ABI3BP: variants seen among roughly 807,000 people sequenced by gnomAD.
ABI3BP encodes the protein ABI family member 3 binding protein.
ABI3BP carries 216 observed loss-of-function variants against 268.6 expected under a neutral mutation model. That is an observed-to-expected ratio of 0.80 (90% confidence interval 0.72 to 0.90). The LOEUF (loss-of-function observed/expected upper bound fraction) is 0.90, where lower values mean the gene tolerates loss of function less well. Among genes scored for constraint, ABI3BP ranks in the 40% least tolerant of loss-of-function variants. The pLI, the probability that ABI3BP is intolerant of heterozygous loss-of-function variation, is 0.00. For missense variants in ABI3BP, 2,090 were observed against 2,182.4 expected, an observed-to-expected ratio of 0.96 and a Z score of 0.84; for synonymous variants, 730 against 730.0, an observed-to-expected ratio of 1.00 and a Z score of 0.00.
intron 4 of ABI3BP, among the ~76,000 whole-genome samples, chr3:100,895,004 T>TGC (rs1055527354): frequency 1.1e-5 from 1 of 93,036 alleles, no homozygotes; most frequent in African/African-American, 4.3e-5. Context: ...TGTTAGAAAA[T>TGC]GCGAAAGTGA....
At chr3:100,818,431 T>A (rs889055201) in intron 41 of ABI3BP, 94 bp downstream of exon 41, 33 of 1,047,262 alleles carry the variant, frequency 3.2e-5, no homozygotes, top group Non-Finnish European at 4.7e-5. Context: ...TGACAAAGAA[T>A]GACAGGATGG....
rs183797496 is a variant in ABI3BP at position 100,946,093 on chromosome 3, G to A, written c.80-19612C>T. Among the ~76,000 whole-genome samples, 237 of 152,148 alleles carry A rather than the reference G, an allele frequency of 1.6e-3. 1 individual carries two copies. The highest frequency in any genetic ancestry group is 5.5e-3 in the African/African-American group (229 of 41,518). On this transcript the variant is annotated intron_variant, in intron 1 of 67. Transcript: ENST00000471714. The stretch of plus-strand genomic sequence containing the variant: ...GTCATTAAGGAAGATGAGATTGGCC[G>A]AACATGGTGGCTCATGCCTGCAATC...
intron 31 of ABI3BP, among the ~76,000 whole-genome samples, chr3:100,831,569 C>A (rs904228251): frequency 1.3e-5 from 2 of 152,058 alleles, no homozygotes; most frequent in African/African-American, 4.8e-5. Context: ...ATCATTGAAG[C>A]CCCCTAGATC....
In ABI3BP at chr3:100,926,411, T is replaced by G. The variant is rs1256261916; in HGVS notation, c.150A>C (p.Pro50=). ...GACCTTCAAGCTTTACATTTGGACT[T>G]GGACGCAAGAACTTCAAGAGGATGG... ...SDSILLKFLR[P]SPNVKLEGLL... is the part of the protein sequence containing the mutation. Residue 50 remains proline, a synonymous_variant, in exon 2 of 68, where the codon CCA becomes CCC. Coordinates refer to ENST00000471714, the MANE Select transcript of ABI3BP (RefSeq NM_001375547.2). The G allele has an allele frequency of 6.2e-7, 1 of 1,613,518 alleles. No individual in the cohort carries two copies. Among genetic ancestry groups the G allele is most frequent in the Non-Finnish European group, 8.5e-7 (1 of 1,179,610 alleles).
chr3:100,946,456 T>C (rs550909787), intron 1 of ABI3BP, among the ~76,000 whole-genome samples: 3 of 151,994 alleles, frequency 2.0e-5, no homozygotes, highest in Admixed American at 2.0e-4. Context: ...AGAAATACAC[T>C]TTTTGCAAAA....
At chr3:100,803,479 T>C (rs148979388) in intron 51 of ABI3BP, among the ~76,000 whole-genome samples, 1 of 145,976 alleles carries the variant, frequency 6.9e-6, no homozygotes, top group African/African-American at 2.4e-5. Flanking sequence ...CAAAGGTATA[T>C]GAAAATAGAA....
At chr3:100,848,652 C>T in intron 18 of ABI3BP, 149 bp downstream of exon 18, 1 of 698,192 alleles carries the variant, frequency 1.4e-6, no homozygotes, top group Admixed American at 2.4e-5. Context: ...GTCTCAAATT[C>T]CTAGCCTCAA....
At chr3:100,983,367 A>C (rs1388740544) in intron 1 of ABI3BP, among the ~76,000 whole-genome samples, 1 of 152,244 alleles carries the variant, frequency 6.6e-6, no homozygotes, top group Admixed American at 6.5e-5. Flanking sequence ...ACAATTAAAG[A>C]AATTATTTTC....
chr3:100,984,524 C>T (rs1196338397), intron 1 of ABI3BP, among the ~76,000 whole-genome samples: 1 of 152,194 alleles, frequency 6.6e-6, no homozygotes, highest in Non-Finnish European at 1.5e-5. Context: ...CATCTTCTAG[C>T]TCCTTCTTTA....
intron 14 of ABI3BP, among the ~76,000 whole-genome samples, chr3:100,856,275 C>G (rs928310745): frequency 1.6e-4 from 24 of 152,178 alleles, no homozygotes; most frequent in African/African-American, 5.8e-4. Context: ...ATACTGATGA[C>G]TGCAGCTTTC....
At chr3:100,977,812 A>T (rs1033733758) in intron 1 of ABI3BP, among the ~76,000 whole-genome samples, 2 of 152,116 alleles carry the variant, frequency 1.3e-5, no homozygotes, top group African/African-American at 2.4e-5. Flanking sequence ...CCACACTTAA[A>T]TTTTTTTATA....
chr3:100,932,889 C>T (rs2064174654), intron 1 of ABI3BP, among the ~76,000 whole-genome samples: 1 of 152,108 alleles, frequency 6.6e-6, no homozygotes, highest in African/African-American at 2.4e-5. Flanking sequence ...CAAAAAGACA[C>T]ATAACCCTAA....
chr3:100,820,530 T>A (rs1017808033), intron 39 of ABI3BP, among the ~76,000 whole-genome samples: 3 of 152,182 alleles, frequency 2.0e-5, no homozygotes, highest in Non-Finnish European at 4.4e-5. Flanking sequence ...AAGTGAAGAA[T>A]AGTCAATAGG....
chr3:100,870,837 C>T (rs767113161), intron 9 of ABI3BP, among the ~76,000 whole-genome samples: 5 of 152,156 alleles, frequency 3.3e-5, no homozygotes, highest in Admixed American at 6.5e-5. Flanking sequence ...ATGGTACACA[C>T]ACACTGGAGT....
intron 1 of ABI3BP, among the ~76,000 whole-genome samples, chr3:100,933,826 C>T (rs953105539): frequency 4.0e-5 from 6 of 151,730 alleles, no homozygotes; most frequent in African/African-American, 9.7e-5. Flanking sequence ...TTGTCTGTAA[C>T]GGGTCAGATA....
intron 66 of ABI3BP, chr3:100,752,471 T>C (rs1288478250): frequency 4.1e-6 from 1 of 243,398 alleles, no homozygotes; most frequent in Non-Finnish European, 8.0e-6. Context: ...TTAGTCACTT[T>C]ATTGTCAGTC....
In ABI3BP at chr3:100,808,150, T is replaced by C. The variant is rs1014484971; in HGVS notation, c.3682+11A>G. The C allele has an allele frequency of 6.2e-7, 1 of 1,608,628 alleles. No individual in the cohort carries two copies. The highest frequency in any genetic ancestry group is 8.5e-7 in the Non-Finnish European group (1 of 1,176,716). The stretch of plus-strand genomic sequence containing the variant: ...AAACTTTTCAAGCTAAAATGTAAAA[T>C]ATATATTTACCTGGTTGTGTTTGTG... On this transcript the variant is annotated intron_variant, in intron 50 of 67. Transcript: ENST00000471714.
At chr3:100,834,017 C>T (rs1278405793) in intron 29 of ABI3BP, among the ~76,000 whole-genome samples, 1 of 152,152 alleles carries the variant, frequency 6.6e-6, no homozygotes, top group Non-Finnish European at 1.5e-5. Context: ...GTTGCCTGGG[C>T]TACAGTGCAA....
chr3:100,915,620 T>G (rs1395221334), intron 2 of ABI3BP, among the ~76,000 whole-genome samples: 2 of 152,220 alleles, frequency 1.3e-5, no homozygotes, highest in Non-Finnish European at 2.9e-5. Context: ...GCTCCAAGAC[T>G]CTGCGCCTGC....
Sources: gnomAD v4.1 joint callset for allele counts (sites outside exome capture counted in the v4.1 genomes callset) on GRCh38, gnomAD v4.1.1 for gene constraint, MANE v1.5 for transcripts, NCBI Gene and HGNC (gene_info 2026-07-23, HGNC 2026-07-21) for gene names.